The following FGG variants were observed in gnomAD, a reference collection of about 807,000 sequenced individuals.
The protein encoded by FGG is fibrinogen gamma chain, also known as fibrinogen, gamma polypeptide.
A neutral mutation model predicts 51.7 loss-of-function variants in FGG; 20 were observed. The ratio of observed to expected loss-of-function variants is 0.39; its 90% CI spans 0.27 to 0.56. FGG has a LOEUF of 0.56. Ranked by LOEUF, FGG falls within the 20% of genes least tolerant of loss-of-function variation. The pLI is 0.64. For missense variants in FGG, 460 were observed against 534.2 expected (o/e 0.86, Z 1.37); for synonymous variants, 184 against 184.7 (o/e 1.00, Z 0.03).
intron 6 of FGG, 124 bp from the exon 7 acceptor site, chr4:154,608,774 T>G: frequency 2.3e-6 from 2 of 856,378 alleles, no homozygotes; most frequent in Admixed American, 4.1e-5. Context: ...TAAGTGATCT[T>G]GGCCAAGCTA....
Position 154,610,069 on chromosome 4 carries a change from T to A in FGG, c.530A>T (p.Lys177Ile). Residue 177 changes from lysine to isoleucine, a missense_variant and splice_region_variant, in exon 5 of 9, where the codon AAA becomes ATA. By Grantham distance (102) the Lys-to-Ile change is moderately radical. Around this residue, in one of 3 missense-constraint regions of FGG, gnomAD observed 353 missense variants for 391.7 expected, o/e 0.90. Coordinates refer to ENST00000336098, the MANE Select transcript of FGG (RefSeq NM_021870.3). ...CCAATATAACCTTCATCAGTTACCTTTCCCAGTGATATCATGGATTTGCAC... is the reference window on the plus strand; with the variant it reads ...CCAATATAACCTTCATCAGTTACCTATCCCAGTGATATCATGGATTTGCAC... ...DTVQIHDITG[K>I]DCQDIANKGA... The A allele has an allele frequency of 6.2e-7, 1 of 1,613,854 alleles. No individual in the cohort carries two copies. The highest frequency in any genetic ancestry group is 1.1e-5 in the South Asian group (1 of 91,076).
chr4:154,608,342 A>G (rs2110844015), intron 7 of FGG, 124 bp downstream of exon 7: 2 of 938,060 alleles, frequency 2.1e-6, no homozygotes, highest in Non-Finnish European at 3.3e-6. Context: ...CCTGGAGAAA[A>G]TGGTGGCTGG....
intron 4 of FGG, 64 bp downstream of exon 4, chr4:154,611,741 A>G: frequency 9.4e-7 from 1 of 1,067,614 alleles, no homozygotes; most frequent in Non-Finnish European, 1.4e-6. Context: ...CTTTCACTCA[A>G]GTATAGAATA....
At position 154,612,398 on chromosome 4, in the gene FGG, T is replaced by A; in HGVS notation, c.116A>T (p.Glu39Val). Reference protein sequence around the residue: ...ATRDNCCILDERFGSYCPTTC... With the variant: ...ATRDNCCILDVRFGSYCPTTC... Reference sequence around the variant, plus strand: ...AACATAAAAACTACTTACGAATCTTTCATCTAAGATGCAGCAGTTGTCTCT... The same window carrying A: ...AACATAAAAACTACTTACGAATCTTACATCTAAGATGCAGCAGTTGTCTCT... The change falls in exon 2 of 9, where the codon GAA becomes GTA. Residue 39 changes from glutamate (E) to valine (V), a missense_variant. By Grantham distance (121) the Glu-to-Val change is moderately radical. Transcript: ENST00000336098. 6.2e-7 allele frequency: 1 copy of A among 1,613,506 alleles called. No individual in the cohort carries two copies. Among genetic ancestry groups the A allele is most frequent in the South Asian group, 1.1e-5 (1 of 91,062 alleles).
At chr4:154,607,553 A>G (rs1001545467) in intron 7 of FGG, among the ~76,000 whole-genome samples, 1 of 152,190 alleles carries the variant, frequency 6.6e-6, no homozygotes, top group Non-Finnish European at 1.5e-5. Flanking sequence ...AAAGCATGTG[A>G]GCTGAAGGAG....
intron 7 of FGG, 99 bp downstream of exon 7, chr4:154,608,367 T>C: frequency 8.2e-7 from 1 of 1,214,490 alleles, no homozygotes; most frequent in South Asian, 1.3e-5. Flanking sequence ...GCTGTTTGCA[T>C]TTGTCAGGCT....
Position 154,611,892 on chromosome 4 carries a change from A to G in FGG, c.314T>C (p.Ile105Thr). 1 of 1,611,236 alleles carries G rather than the reference A, an allele frequency of 6.2e-7. No individual in the cohort carries two copies. Among genetic ancestry groups the G allele is most frequent in the Non-Finnish European group, 8.5e-7 (1 of 1,178,384 alleles). Residue 105 changes from isoleucine (I) to threonine (T), a missense_variant, in exon 4 of 9, where the codon ATA becomes ACA. This residue lies in a region of FGG where 353 missense variants were observed against 391.7 expected (regional missense o/e 0.90). Coordinates refer to ENST00000336098, the MANE Select transcript of FGG (RefSeq NM_021870.3). ...NPDESSKPNM[I>T]DAATLKSRKM... ...CCTGGACTTCAAAGTAGCAGCGTCT[A>G]TCATATCTGTAATATAGGATCAGAG...
At position 154,606,760 on chromosome 4, in the gene FGG, A is replaced by G. The variant is rs1478284239; in HGVS notation, c.1074T>C (p.Ser358=). 7 of 1,614,012 alleles carry G rather than the reference A, an allele frequency of 4.3e-6. No individual in the cohort carries two copies. Among genetic ancestry groups the G allele is most frequent in the East Asian group, 4.5e-5 (2 of 44,884 alleles). Residue 358 remains serine, a synonymous_variant, in exon 8 of 9, where the codon TCT becomes TCC. Coordinates refer to ENST00000336098, the MANE Select transcript of FGG (RefSeq NM_021870.3). ...FEGNCAEQDG[S]GWWMNKCHAG... ...CGTGACACTTGTTCATCCACCAACCAGATCCATCCTGTTCAGCACAGTTGC... is the reference window on the plus strand; with the variant it reads ...CGTGACACTTGTTCATCCACCAACCGGATCCATCCTGTTCAGCACAGTTGC...
intron 4 of FGG, among the ~76,000 whole-genome samples, chr4:154,610,897 T>C (rs978752528): frequency 6.6e-6 from 1 of 152,178 alleles, no homozygotes; most frequent in African/African-American, 2.4e-5. Context: ...CCAAAAATGA[T>C]AGAAAACTGT....
At chr4:154,609,243 G>C (rs1337780292) in intron 6 of FGG, among the ~76,000 whole-genome samples, 1 of 152,074 alleles carries the variant, frequency 6.6e-6, no homozygotes. Flanking sequence ...TCCTCATCTT[G>C]TGATGGGAAA....
Position 154,608,447 on chromosome 4 carries a change from A to T in FGG, c.851+19T>A. The T allele has an allele frequency of 1.2e-6, 2 of 1,610,862 alleles. No homozygotes were observed. The highest frequency in any genetic ancestry group is 2.2e-5 in the South Asian group (2 of 90,792). ...GCAATCTTTACAATAAAAAGTTGGA[A>T]GTCATTTCAAAACAGTACCTGGTTC... On this transcript the variant is annotated intron_variant, in intron 7 of 8. Coordinates refer to ENST00000336098, the MANE Select transcript of FGG (RefSeq NM_021870.3).
rs769812470 is a variant in FGG at position 154,612,375 on chromosome 4, C to T, written c.123+16G>A. The stretch of plus-strand genomic sequence containing the variant: ...TCCAGTTCACACACAAAGGGAGAAA[C>T]ATAAAAACTACTTACGAATCTTTCA... On this transcript the variant is annotated intron_variant, in intron 2 of 8. Coordinates refer to ENST00000336098, the MANE Select transcript of FGG (RefSeq NM_021870.3). 31 of 1,612,488 alleles carry T rather than the reference C, an allele frequency of 1.9e-5. No homozygotes were observed. The highest frequency in any genetic ancestry group is 2.5e-5 in the Non-Finnish European group (30 of 1,179,694).
chr4:154,608,242 T>C lies in FGG; in HGVS notation c.851+224A>G, dbSNP rs1731135679. Among the ~76,000 whole-genome samples, 2 of 152,234 alleles carry C rather than the reference T, an allele frequency of 1.3e-5. 1 individual carries two copies. The highest frequency in any genetic ancestry group is 4.1e-4 in the South Asian group (2 of 4,832). ...TTCAGTAATTAGCTATTACTCTGAA[T>C]GGTTCCAGGGTAATTAGATTGTACC... On this transcript the variant is annotated intron_variant, in intron 7 of 8. Coordinates refer to ENST00000336098, the MANE Select transcript of FGG (RefSeq NM_021870.3).
intron 8 of FGG, among the ~76,000 whole-genome samples, chr4:154,605,921 G>A (rs770003630): frequency 4.0e-5 from 6 of 151,712 alleles, no homozygotes; most frequent in Non-Finnish European, 8.8e-5. Context: ...TGGTAGGGAA[G>A]TCCTACTGAT....
Position 154,608,800 on chromosome 4 carries a change from G to A in FGG, c.667-150C>T, listed in dbSNP as rs1034730971. The stretch of plus-strand genomic sequence containing the variant: ...GGCCAAGCTACCTCAGTTTCCTCAT[G>A]TATCAAATAGGAAAAATGATGGTTA... On this transcript the variant is annotated intron_variant, in intron 6 of 8. Transcript: ENST00000336098. 5.8e-6 allele frequency: 4 copies of A among 686,138 alleles called. No individual in the cohort carries two copies. In the Admixed American group the frequency reaches 9.5e-5, roughly 16 times the overall value. The allele number at this position is 686,138 out of a possible 1,614,324, so 42.5% of individuals were successfully genotyped here.
At chr4:154,605,646 C>T (rs148635744) in intron 8 of FGG, among the ~76,000 whole-genome samples, 43 of 152,192 alleles carry the variant, frequency 2.8e-4, no homozygotes, top group Admixed American at 5.9e-4. Context: ...CATGGCGCCC[C>T]GGGTCACACA....
rs1731229423 is a variant in FGG, at chr4:154,612,183, T to G, written c.142A>C (p.Thr48Pro). The G allele has an allele frequency of 3.7e-6, 6 of 1,610,118 alleles. No individual in the cohort carries two copies. Among genetic ancestry groups the G allele is most frequent in the Non-Finnish European group, 4.2e-6 (5 of 1,178,020 alleles). The change falls in exon 3 of 9, where the codon ACC becomes CCC. Residue 48 changes from threonine (T) to proline (P), a missense_variant. By Grantham distance (38) the Thr-to-Pro change is conservative. This residue lies in a region of FGG where 353 missense variants were observed against 391.7 expected (regional missense o/e 0.90). Transcript: ENST00000336098. The stretch of plus-strand genomic sequence containing the variant: ...GACAGGAAATCTGCAATGCCACAGG[T>G]AGTTGGACAATAACTACCCTGAAAA... ...DERFGSYCPTTCGIADFLSTY... is the reference protein window; with the variant it reads ...DERFGSYCPTPCGIADFLSTY...
chr4:154,606,713 T>A lies in FGG; in HGVS notation c.1121A>T (p.Tyr374Phe). 1.9e-6 allele frequency: 3 copies of A among 1,613,898 alleles called. No homozygotes were observed. Among genetic ancestry groups the A allele is most frequent in the East Asian group, 2.2e-5 (1 of 44,886 alleles). The change falls in exon 8 of 9, where the codon TAT becomes TTT. Residue 374 changes from tyrosine to phenylalanine, a missense_variant. Around this residue, in one of 3 missense-constraint regions of FGG, gnomAD observed 15 missense variants for 48.8 expected, o/e 0.31. Coordinates refer to ENST00000336098, the MANE Select transcript of FGG (RefSeq NM_021870.3). ...AAGAAAGGAAAACATACCTTGGTAA[T>A]AAACTCCATTGAGATGGCCAGCGTG... is the stretch of plus-strand genomic sequence containing the variant. ...KCHAGHLNGVYYQGGTYSKAS... is the reference protein window; with the variant it reads ...KCHAGHLNGVFYQGGTYSKAS...
chr4:154,607,647 A>G (rs1047358232), intron 7 of FGG, among the ~76,000 whole-genome samples: 4 of 152,162 alleles, frequency 2.6e-5, no homozygotes, highest in African/African-American at 9.7e-5. Flanking sequence ...TTAATGAATG[A>G]ACAGAAATTT....
Sources: allele counts gnomAD v4.1 joint callset (sites outside exome capture counted in the v4.1 genomes callset), GRCh38; gene constraint gnomAD v4.1.1; regional missense constraint gnomAD v4.1.1; transcripts MANE v1.5; gene names NCBI Gene and HGNC (gene_info 2026-07-23, HGNC 2026-07-21).